Variants in PAH observed in about 807,000 individuals in gnomAD.
PAH encodes phenylalanine-4-hydroxylase.
Under a neutral mutation model 62.0 loss-of-function variants are expected in PAH, and 64 were observed. The observed-to-expected ratio is 1.03, with a 90% CI of 0.84 to 1.27. The LOEUF (loss-of-function observed/expected upper bound fraction) is 1.27. Among genes scored for constraint, PAH ranks in the 50% most tolerant of loss-of-function variants. The pLI is 0.00. For missense variants in PAH, 579 were observed against 542.8 expected (o/e 1.07, Z -0.66); for synonymous variants, 195 against 196.2 (o/e 0.99, Z 0.05).
intron 1 of PAH, among the ~76,000 whole-genome samples, chr12:102,932,106 T>C (rs1878900356): frequency 6.6e-6 from 1 of 152,148 alleles, no homozygotes; most frequent in African/African-American, 2.4e-5. Context: ...TTCAGACTTA[T>C]CATCTGTGTT....
At chr12:102,919,348 A>G (rs1021284017), upstream of PAH, among the ~76,000 whole-genome samples, 2 of 152,190 alleles carry the variant, frequency 1.3e-5, no homozygotes, top group African/African-American at 4.8e-5. Context: ...TTCATGGAGT[A>G]TGTGCAATAT....
chr12:102,886,709 C>T (rs992437040), intron 3 of PAH, among the ~76,000 whole-genome samples: 18 of 152,104 alleles, frequency 1.2e-4, no homozygotes, highest in African/African-American at 4.3e-4. Flanking sequence ...GGGCTCAGTG[C>T]CTTGGTGCAC....
rs560086007 is a variant in PAH, at chr12:102,840,114, G to A, written c.1315+286C>T. 5.3e-5 allele frequency among the ~76,000 whole-genome samples: 8 copies of A among 152,246 alleles called. No homozygotes were observed. In the South Asian group the frequency reaches 8.3e-4, roughly 16 times the overall value. ...CTTAGCGTAGAAGGGATGGAGAGGC[G>A]AGGGAGAAAAAGGAACATGGCAGTG... On this transcript the variant is annotated intron_variant, in intron 12 of 12. Coordinates refer to ENST00000553106, the MANE Select transcript of PAH (RefSeq NM_000277.3).
At chr12:102,903,066 A>G (rs142292291) in intron 2 of PAH, among the ~76,000 whole-genome samples, 337 of 152,306 alleles carry the variant, frequency 2.2e-3, no homozygotes, top group Middle Eastern at 0.01. Flanking sequence ...TTCTAGGTCA[A>G]AAAGACCCTG....
At chr12:102,940,136 C>T (rs117979925) in intron 1 of PAH, among the ~76,000 whole-genome samples, 15 of 152,338 alleles carry the variant, frequency 9.8e-5, no homozygotes, top group Non-Finnish European at 1.8e-4. Context: ...ACAGACCCTG[C>T]ACAAAGACTG....
chr12:102,843,299 G>T (rs1041113828), intron 11 of PAH, among the ~76,000 whole-genome samples: 2 of 152,076 alleles, frequency 1.3e-5, no homozygotes, highest in Admixed American at 1.3e-4. Flanking sequence ...AAATTTTGTA[G>T]GTGTTTGGGA....
At chr12:102,888,029 G>A (rs571229195) in intron 3 of PAH, among the ~76,000 whole-genome samples, 38 of 152,166 alleles carry the variant, frequency 2.5e-4, no homozygotes, top group African/African-American at 8.4e-4. Context: ...GGCATTTCAC[G>A]GTTGCCTTTG....
chr12:102,895,869 A>AAAAAT lies in PAH; in HGVS notation c.169-952_169-951insATTTT, dbSNP rs953209518. Among the ~76,000 whole-genome samples the AAAAAT allele has an allele frequency of 4.1e-3, 484 of 118,682 alleles. 2 individuals are homozygous for AAAAAT. Among genetic ancestry groups the AAAAAT allele is most frequent in the Non-Finnish European group, 6.8e-3 (404 of 59,336 alleles). The allele number at this position is 118,682 out of a possible 152,430, so 77.9% of individuals were successfully genotyped here. On this transcript the variant is annotated intron_variant, in intron 2 of 12. Transcript: ENST00000553106. ...GACTCTGTCTCAAAAAAAAAAAAAA[A>AAAAAT]ATATATATATATATATATATATGTA...
At chr12:102,951,437 G>C (rs746869200), upstream of PAH, among the ~76,000 whole-genome samples, 12 of 152,192 alleles carry the variant, frequency 7.9e-5, no homozygotes, top group Non-Finnish European at 1.6e-4. Context: ...CTCGCCTGGT[G>C]AATCTACATA....
At chr12:102,895,705 T>C (rs1209715656) in intron 2 of PAH, among the ~76,000 whole-genome samples, 1 of 151,606 alleles carries the variant, frequency 6.6e-6, no homozygotes, top group Non-Finnish European at 1.5e-5. Flanking sequence ...AAGAATTAGC[T>C]GGGCATGGTG....
At chr12:102,862,444 G>T (rs1875770118) in intron 5 of PAH, among the ~76,000 whole-genome samples, 1 of 151,958 alleles carries the variant, frequency 6.6e-6, no homozygotes, top group South Asian at 2.1e-4. Context: ...ATAACTAATG[G>T]GTGCTAGGCT....
At chr12:102,843,619 A>G in intron 11 of PAH, 27 bp downstream of exon 11, 1 of 1,612,582 alleles carries the variant, frequency 6.2e-7, no homozygotes, top group East Asian at 2.2e-5. Context: ...CCCCAGAGCT[A>G]GTGGCTCACC....
At chr12:102,942,970 C>T (rs960472553) in intron 1 of PAH, among the ~76,000 whole-genome samples, 1 of 151,914 alleles carries the variant, frequency 6.6e-6, no homozygotes, top group African/African-American at 2.4e-5. Flanking sequence ...TTTAAGAACC[C>T]TAGAAGAAAA....
intron 1 of PAH, among the ~76,000 whole-genome samples, chr12:102,914,226 T>C (rs1353419915): frequency 6.6e-6 from 1 of 152,250 alleles, no homozygotes; most frequent in Non-Finnish European, 1.5e-5. Flanking sequence ...ACTAAACTGT[T>C]AAATATCCCA....
chr12:102,920,267 G>A (rs192091216), upstream of PAH, among the ~76,000 whole-genome samples: 5 of 152,198 alleles, frequency 3.3e-5, no homozygotes, highest in African/African-American at 1.2e-4. Flanking sequence ...GTTCAATTTG[G>A]TTGGAATGCA....
intron 6 of PAH, chr12:102,853,371 GT>G: frequency 8.0e-5 from 25 of 312,556 alleles, no homozygotes; most frequent in South Asian, 2.4e-4. Context: ...GAAGGGAAGA[GT>G]ATGGATAGAG....
intron 9 of PAH, among the ~76,000 whole-genome samples, chr12:102,845,819 C>T (rs1302242196): frequency 6.6e-6 from 1 of 152,110 alleles, no homozygotes; most frequent in Non-Finnish European, 1.5e-5. Context: ...AGCAAGAATC[C>T]AGGACTGTTC....
intron 1 of PAH, among the ~76,000 whole-genome samples, chr12:102,924,311 A>G (rs34068029): frequency 0.15 from 22,847 of 152,210 alleles, 1,780 homozygotes; most frequent in African/African-American, 0.16. Context: ...AGCAGCAAAA[A>G]CAAAACAATC....
chr12:102,856,547 C>T (rs1053198991), intron 5 of PAH, among the ~76,000 whole-genome samples: 2 of 152,178 alleles, frequency 1.3e-5, no homozygotes, highest in African/African-American at 4.8e-5. Context: ...CAAGTGAGTC[C>T]CTGACCCCCG....
Sources: gnomAD v4.1 joint callset for allele counts (sites outside exome capture counted in the v4.1 genomes callset) on GRCh38, gnomAD v4.1.1 for gene constraint, MANE v1.5 for transcripts, NCBI Gene and HGNC (gene_info 2026-07-23, HGNC 2026-07-21) for gene names.